ZNF83: variants seen among roughly 807,000 people sequenced by gnomAD.
ZNF83 encodes the protein zinc finger protein 816B.
For synonymous variants in ZNF83, 209 were observed against 213.0 expected (o/e 0.98, Z 0.17); for missense variants, 552 against 629.9 (o/e 0.88, Z 1.32).
intron 2 of ZNF83, among the ~76,000 whole-genome samples, chr19:52,625,699 C>T (rs1489099570): frequency 1.3e-5 from 2 of 152,150 alleles, no homozygotes; most frequent in Non-Finnish European, 2.9e-5. Context: ...GCTACCTTCC[C>T]CTTGCTCTTC....
chr19:52,681,515 A>G (rs188002578), intron 1 of ZNF83, among the ~76,000 whole-genome samples: 1 of 152,292 alleles, frequency 6.6e-6, no homozygotes, highest in East Asian at 1.9e-4. Context: ...CATGTGCTAT[A>G]CACTGTTCTA....
At chr19:52,628,986 C>T (rs887124006) in intron 2 of ZNF83, among the ~76,000 whole-genome samples, 8 of 151,810 alleles carry the variant, frequency 5.3e-5, no homozygotes, top group South Asian at 2.1e-4. Flanking sequence ...CCCTTCCCTC[C>T]GTGTCTCTAC....
intron 1 of ZNF83, among the ~76,000 whole-genome samples, chr19:52,683,221 T>C (rs1019898739): frequency 3.5e-5 from 5 of 144,028 alleles, no homozygotes; most frequent in African/African-American, 1.3e-4. Flanking sequence ...TCAGCTGCCC[T>C]GTGACTCTGT....
chr19:52,657,542 A>G (rs1054857175), intron 2 of ZNF83, among the ~76,000 whole-genome samples: 1 of 151,914 alleles, frequency 6.6e-6, no homozygotes, highest in African/African-American at 2.4e-5. Context: ...TAATAAAATA[A>G]TTTTTTAAAA....
intron 3 of ZNF83, among the ~76,000 whole-genome samples, chr19:52,648,842 C>T (rs1297045003): frequency 6.6e-6 from 1 of 152,176 alleles, no homozygotes; most frequent in Non-Finnish European, 1.5e-5. Flanking sequence ...CTATGCACAG[C>T]TGAAGCTTGA....
intron 1 of ZNF83, among the ~76,000 whole-genome samples, chr19:52,675,501 C>G (rs3960372): frequency 0.31 from 46,935 of 151,188 alleles, 7,739 homozygotes; most frequent in African/African-American, 0.41. Context: ...GCTGAGTCAT[C>G]ATACCCTGCA....
At chr19:52,657,842 T>C (rs2061526315) in intron 2 of ZNF83, among the ~76,000 whole-genome samples, 1 of 145,304 alleles carries the variant, frequency 6.9e-6, no homozygotes, top group African/African-American at 2.6e-5. Context: ...AGAAAAACTC[T>C]GTCTAAAAAA....
intron 2 of ZNF83, among the ~76,000 whole-genome samples, chr19:52,631,978 C>A (rs574253188): frequency 1.4e-5 from 2 of 144,776 alleles, no homozygotes; most frequent in Non-Finnish European, 3.0e-5. Flanking sequence ...GATTTGCCCC[C>A]ACCCAGGACT....
chr19:52,620,270 C>CTGTG (rs377267661), intron 2 of ZNF83, among the ~76,000 whole-genome samples: 182 of 144,522 alleles, frequency 1.3e-3, no homozygotes, highest in African/African-American at 1.8e-3. Context: ...GTGTATATCT[C>CTGTG]TGTGTGTGTG....
At chr19:52,625,015 ATCCCCCTGACATTCACTCCATT>A (rs1188338494) in intron 2 of ZNF83, among the ~76,000 whole-genome samples, 2 of 151,302 alleles carry the variant, frequency 1.3e-5, no homozygotes, top group Non-Finnish European at 2.9e-5. Flanking sequence ...TATCTCTCTG[ATCCCCCTGACATTCACTCCATT>A]TCCCCCTCCT....
exon 3 of ZNF83, chr19:52,613,307 A>T: frequency 6.2e-7 from 1 of 1,614,106 alleles, no homozygotes; most frequent in South Asian, 1.1e-5. Context: ...TGAATTCTCC[A>T]ATGATATGCA....
At chr19:52,664,568 C>G (rs67885014) in intron 1 of ZNF83, among the ~76,000 whole-genome samples, 1 of 151,948 alleles carries the variant, frequency 6.6e-6, no homozygotes. Flanking sequence ...CCAATTAACA[C>G]GAACTTTTAA....
chr19:52,670,614 ATATT>A (rs1205120143), intron 1 of ZNF83, among the ~76,000 whole-genome samples: 1 of 152,200 alleles, frequency 6.6e-6, no homozygotes, highest in African/African-American at 2.4e-5. Context: ...ATATTTTAAA[ATATT>A]TATTCTGCAC....
chr19:52,689,408 C>T (rs548460707), intron 1 of ZNF83, among the ~76,000 whole-genome samples: 59 of 152,106 alleles, frequency 3.9e-4, no homozygotes, highest in South Asian at 8.3e-4. Context: ...CACTCTCTAG[C>T]ACTCCAGATC....
intron 3 of ZNF83, chr19:52,655,002 A>G (rs1188688145): frequency 6.5e-6 from 1 of 152,770 alleles, no homozygotes; most frequent in African/African-American, 2.4e-5. Context: ...CCTGGCCAAC[A>G]TGGTGATTCC....
intron 1 of ZNF83, among the ~76,000 whole-genome samples, chr19:52,672,448 T>C (rs1159574473): frequency 2.0e-5 from 3 of 152,118 alleles, no homozygotes; most frequent in Non-Finnish European, 2.9e-5. Flanking sequence ...TATTAGCAAG[T>C]TTAAAAAAGC....
At chr19:52,628,396 G>A (rs949980139) in intron 2 of ZNF83, among the ~76,000 whole-genome samples, 2 of 152,024 alleles carry the variant, frequency 1.3e-5, no homozygotes, top group Non-Finnish European at 2.9e-5. Flanking sequence ...CTCAACCTCT[G>A]TCTCCTTTCA....
chr19:52,686,875 GATGTCCATTTTAGAAAGTACT>G (rs1318447342), intron 1 of ZNF83, among the ~76,000 whole-genome samples: 3 of 151,910 alleles, frequency 2.0e-5, no homozygotes, highest in African/African-American at 7.2e-5. Context: ...ACCTGGCTTT[GATGTCCATTTTAGAAAGTACT>G]ATGGGCTGGG....
intron 1 of ZNF83, among the ~76,000 whole-genome samples, chr19:52,664,261 C>T (rs553891854): frequency 3.3e-5 from 5 of 151,480 alleles, no homozygotes; most frequent in South Asian, 2.1e-4. Flanking sequence ...TTTGGGAGGC[C>T]GATGCGGCTG....
Sources: allele counts gnomAD v4.1 joint callset (sites outside exome capture counted in the v4.1 genomes callset), GRCh38; gene constraint gnomAD v4.1.1; transcripts MANE v1.5; gene names NCBI Gene and HGNC (gene_info 2026-07-23, HGNC 2026-07-21).